CSMD1: variants seen among roughly 807,000 people sequenced by gnomAD.
CSMD1 encodes the protein CUB and Sushi multiple domains 1, also known as CUB and sushi domain-containing protein 1.
CSMD1 carries 213 observed loss-of-function variants against 417.5 expected under a neutral mutation model. The observed-to-expected ratio is 0.51, with a 90% confidence interval of 0.46 to 0.57. The LOEUF (loss-of-function observed/expected upper bound fraction) is 0.57. CSMD1 is among the 20% of genes least tolerant of loss of function. The pLI is 0.00. For synonymous variants in CSMD1, 2,862 were observed against 1,736.8 expected (o/e 1.65, Z -16.11); for missense variants, 6,923 against 4,529.7 (o/e 1.53, Z -15.17).
At chr8:3,654,867 C>T (rs1370635687) in intron 7 of CSMD1, among the ~76,000 whole-genome samples, 4 of 152,114 alleles carry the variant, frequency 2.6e-5, no homozygotes, top group Non-Finnish European at 5.9e-5. Flanking sequence ...CCGGACCTGC[C>T]AGCTCTGCAA....
At chr8:3,157,767 T>C (rs1819624345) in intron 39 of CSMD1, 130 bp downstream of exon 39, 1 of 711,164 alleles carries the variant, frequency 1.4e-6, no homozygotes, top group Non-Finnish European at 2.5e-6. Flanking sequence ...CTGCATTATG[T>C]GCTATTAGTA....
At chr8:4,344,126 C>T (rs1800642203) in intron 3 of CSMD1, among the ~76,000 whole-genome samples, 1 of 152,092 alleles carries the variant, frequency 6.6e-6, no homozygotes, top group African/African-American at 2.4e-5. Flanking sequence ...TTCAAAAACA[C>T]ACTGATCATT....
intron 11 of CSMD1, among the ~76,000 whole-genome samples, chr8:3,491,943 T>C (rs6997919): frequency 0.73 from 111,435 of 152,072 alleles, 41,218 homozygotes; most frequent in African/African-American, 0.8. Flanking sequence ...TCCGGAGGCT[T>C]GCTCACAGCC....
intron 1 of CSMD1, among the ~76,000 whole-genome samples, chr8:4,968,278 A>G (rs903949025): frequency 9.2e-5 from 14 of 152,106 alleles, no homozygotes; most frequent in Admixed American, 5.9e-4. Flanking sequence ...AAGTCTGCCA[A>G]TTTCACCAGT....
chr8:3,672,382 G>C (rs117597833), intron 7 of CSMD1, among the ~76,000 whole-genome samples: 136 of 152,192 alleles, frequency 8.9e-4, no homozygotes, highest in Non-Finnish European at 1.7e-3. Context: ...ACCCACTCTT[G>C]CATTCTCAAC....
chr8:3,487,782 G>A (rs1818142534), intron 11 of CSMD1, among the ~76,000 whole-genome samples: 1 of 152,088 alleles, frequency 6.6e-6, no homozygotes, highest in Non-Finnish European at 1.5e-5. Context: ...TACACTAAGT[G>A]CTAAAAGAAT....
intron 5 of CSMD1, among the ~76,000 whole-genome samples, chr8:3,993,540 T>G (rs1814922265): frequency 6.6e-6 from 1 of 152,184 alleles, no homozygotes. Context: ...ATAGTAAAAT[T>G]GTGCTGGTTT....
At chr8:4,611,119 T>C (rs1376622712) in intron 2 of CSMD1, among the ~76,000 whole-genome samples, 2 of 152,124 alleles carry the variant, frequency 1.3e-5, no homozygotes, top group South Asian at 2.1e-4. Context: ...TCCACAGAGA[T>C]AATGGCTGTT....
At chr8:4,647,315 T>C (rs1356365307) in intron 1 of CSMD1, among the ~76,000 whole-genome samples, 1 of 149,102 alleles carries the variant, frequency 6.7e-6, no homozygotes, top group African/African-American at 2.5e-5. Flanking sequence ...TACATAGGTA[T>C]ACATGTGCCA....
chr8:3,162,541 T>A (rs1261759355), intron 37 of CSMD1, among the ~76,000 whole-genome samples: 1 of 152,162 alleles, frequency 6.6e-6, no homozygotes, highest in African/African-American at 2.4e-5. Context: ...ACTTCCACAT[T>A]GAGTATAGAA....
At chr8:4,256,188 G>C (rs1437487148) in intron 3 of CSMD1, among the ~76,000 whole-genome samples, 1 of 152,118 alleles carries the variant, frequency 6.6e-6, no homozygotes, top group East Asian at 1.9e-4. Context: ...CACTTCATTT[G>C]TTTGTGATTT....
intron 1 of CSMD1, among the ~76,000 whole-genome samples, chr8:4,967,872 C>G (rs1029227640): frequency 6.6e-6 from 1 of 152,120 alleles, no homozygotes; most frequent in East Asian, 1.9e-4. Context: ...AAAGGATGTG[C>G]TGACTCCTGC....
intron 1 of CSMD1, among the ~76,000 whole-genome samples, chr8:4,838,018 C>T (rs1433820714): frequency 6.6e-6 from 1 of 152,114 alleles, no homozygotes; most frequent in African/African-American, 2.4e-5. Context: ...TTCTATGGGC[C>T]CAGGAGCTAA....
chr8:4,704,281 C>G (rs146143965), intron 1 of CSMD1, among the ~76,000 whole-genome samples: 5 of 152,182 alleles, frequency 3.3e-5, no homozygotes, highest in Non-Finnish European at 7.4e-5. Context: ...AAAACAGAGA[C>G]TTTTACTTAT....
chr8:3,300,707 A>T (rs12542940), intron 25 of CSMD1, among the ~76,000 whole-genome samples: 1 of 151,952 alleles, frequency 6.6e-6, no homozygotes, highest in Non-Finnish European at 1.5e-5. Flanking sequence ...TTCTAATCCC[A>T]GTGCTTTGGG....
intron 5 of CSMD1, among the ~76,000 whole-genome samples, chr8:3,820,269 T>G (rs952166917): frequency 6.6e-6 from 1 of 152,088 alleles, no homozygotes; most frequent in African/African-American, 2.4e-5. Flanking sequence ...AATGGGAAGG[T>G]AGAAATATGT....
intron 1 of CSMD1, among the ~76,000 whole-genome samples, chr8:4,977,619 C>G (rs1810639484): frequency 6.6e-6 from 1 of 152,214 alleles, no homozygotes; most frequent in Non-Finnish European, 1.5e-5. Flanking sequence ...CACGCACCCA[C>G]CCACAGCTGC....
chr8:3,503,954 G>A (rs760263111), intron 10 of CSMD1, among the ~76,000 whole-genome samples: 11 of 152,042 alleles, frequency 7.2e-5, no homozygotes, highest in Non-Finnish European at 1.6e-4. Flanking sequence ...GGGTTAGGGC[G>A]TGGACAAGAA....
chr8:4,415,855 G>C (rs150462800), intron 3 of CSMD1, among the ~76,000 whole-genome samples: 1 of 152,124 alleles, frequency 6.6e-6, no homozygotes, highest in Non-Finnish European at 1.5e-5. Flanking sequence ...GTAAATAAAC[G>C]TAATATATAC....
Sources: allele counts gnomAD v4.1 joint callset (sites outside exome capture counted in the v4.1 genomes callset), GRCh38; gene constraint gnomAD v4.1.1; transcripts MANE v1.5; gene names NCBI Gene and HGNC (gene_info 2026-07-23, HGNC 2026-07-21).